OSTF1: variants seen among roughly 807,000 people sequenced by gnomAD.
The protein encoded by OSTF1 is osteoclast-stimulating factor 1.
Under a neutral mutation model 37.2 loss-of-function variants are expected in OSTF1, and 27 were observed. The observed-to-expected ratio is 0.73, with a 90% CI of 0.54 to 1.00. The LOEUF is 1.00. Ranked by LOEUF, OSTF1 falls within the 50% of genes least tolerant of loss-of-function variation. The pLI is 0.00. For synonymous variants in OSTF1, 82 were observed against 89.2 expected (o/e 0.92, Z 0.46); for missense variants, 232 against 253.8 (o/e 0.91, Z 0.58).
rs370500578 is a variant in OSTF1, at chr9:75,095,877, T to C, written c.34+7151T>C. On this transcript the variant is annotated intron_variant, in intron 1 of 9. Transcript: ENST00000346234. The stretch of plus-strand genomic sequence containing the variant: ...GCAAATCAATTAAACAAGTTATTGG[T>C]GTGACTGCTGTGGCCCCCCTTTTTT... Among the ~76,000 whole-genome samples the C allele has an allele frequency of 1.7e-4, 26 of 151,668 alleles. 2 individuals are homozygous for C. Among genetic ancestry groups the C allele is most frequent in the Admixed American group, 1.5e-3 (23 of 15,218 alleles).
chr9:75,130,993 G>A (rs752017722), intron 4 of OSTF1, among the ~76,000 whole-genome samples: 4 of 152,122 alleles, frequency 2.6e-5, no homozygotes, highest in South Asian at 2.1e-4. Flanking sequence ...GGAGTAACCC[G>A]GCCTTGTTCA....
At chr9:75,146,588 T>C (rs1826028384) in intron 9 of OSTF1, 95 bp from the exon 10 acceptor site, 2 of 831,630 alleles carry the variant, frequency 2.4e-6, no homozygotes, top group South Asian at 3.0e-5. Context: ...AGATGGAAGA[T>C]TCTATTCTAA....
chr9:75,140,870 T>G lies in OSTF1; in HGVS notation c.524T>G (p.Leu175Arg). The change falls in exon 9 of 10, where the codon CTG becomes CGG. Residue 175 changes from leucine to arginine, a missense_variant. Leu to Arg is a moderately radical substitution (Grantham distance 102). Coordinates refer to ENST00000346234, the MANE Select transcript of OSTF1 (RefSeq NM_012383.5). ...RTDLRNIEKK[L>R]AFDMATNAAC... ...GACTTAAGAAACATTGAGAAGAAGC[T>G]GGCCTTCGACATGGCTACCAATGCT... 6.2e-7 allele frequency: 1 copy of G among 1,613,818 alleles called. No individual in the cohort carries two copies. The highest frequency in any genetic ancestry group is 8.5e-7 in the Non-Finnish European group (1 of 1,179,760).
At chr9:75,132,519 C>T (rs1251721103) in intron 5 of OSTF1, among the ~76,000 whole-genome samples, 2 of 152,150 alleles carry the variant, frequency 1.3e-5, no homozygotes, top group Admixed American at 1.3e-4. Flanking sequence ...TGCCACACAT[C>T]CTACAGCACA....
At chr9:75,104,815 A>T (rs1294421492) in intron 1 of OSTF1, among the ~76,000 whole-genome samples, 1 of 152,196 alleles carries the variant, frequency 6.6e-6, no homozygotes, top group Non-Finnish European at 1.5e-5. Flanking sequence ...AATTAAAAGA[A>T]CAGTATTCAG....
In OSTF1 at chr9:75,139,816, G is replaced by C. The variant is rs1368518428; in HGVS notation, c.488-1018G>C. Among the ~76,000 whole-genome samples the C allele has an allele frequency of 3.3e-5, 5 of 152,236 alleles. No individual in the cohort carries two copies. The South Asian group carries it at 1.0e-3, about 31-fold the overall frequency. ...AAATTCAGAGGATCATTAGAGACTA[G>C]TATGAAAAGCAATCTGACAGTAGCT... On this transcript the variant is annotated intron_variant, in intron 8 of 9. Transcript: ENST00000346234.
rs769709468 is a variant in OSTF1, at chr9:75,127,968, GTACACACACATACATGCAGACACTT to G, written c.132+350_132+374del. On this transcript the variant is annotated intron_variant, in intron 3 of 9. Coordinates refer to ENST00000346234, the MANE Select transcript of OSTF1 (RefSeq NM_012383.5). ...TCTAGGAAAGGGTGAGAGTGTATGTGTACACACACATACATGCAGACACTTGTTTTTCTCAATTTCAGATAAAAAG... is the reference window on the plus strand; with the variant it reads ...TCTAGGAAAGGGTGAGAGTGTATGTGGTTTTTCTCAATTTCAGATAAAAAG... Among the ~76,000 whole-genome samples, 243 of 152,044 alleles carry G rather than the reference GTACACACACATACATGCAGACACTT, an allele frequency of 1.6e-3. 2 individuals carry two copies. The highest frequency in any genetic ancestry group is 1.9e-3 in the Non-Finnish European group (127 of 67,912).
At chr9:75,088,795 T>C (rs1353354439) in intron 1 of OSTF1, 69 bp downstream of exon 1, 11 of 1,475,820 alleles carry the variant, frequency 7.5e-6, no homozygotes, top group Non-Finnish European at 1.0e-5. Context: ...CCTCTGCAGC[T>C]TGGCAGGGAG....
intron 1 of OSTF1, among the ~76,000 whole-genome samples, chr9:75,112,554 C>T (rs1825409918): frequency 6.6e-6 from 1 of 152,184 alleles, no homozygotes; most frequent in Non-Finnish European, 1.5e-5. Flanking sequence ...ATAGAATATT[C>T]ATTTGCATAA....
chr9:75,129,131 A>G (rs7859460), intron 3 of OSTF1, among the ~76,000 whole-genome samples: 17,225 of 152,192 alleles, frequency 0.11, 1,344 homozygotes, highest in African/African-American at 0.23. Flanking sequence ...CCCACTGGCC[A>G]AAGATAGGAC....
chr9:75,092,278 T>C (rs1475841497), intron 1 of OSTF1, among the ~76,000 whole-genome samples: 1 of 152,206 alleles, frequency 6.6e-6, no homozygotes, highest in East Asian at 1.9e-4. Flanking sequence ...ACCCTGGCCA[T>C]TTTTGTACCA....
At chr9:75,130,738 G>A in intron 4 of OSTF1, 97 bp downstream of exon 4, 1 of 782,878 alleles carries the variant, frequency 1.3e-6, no homozygotes, top group Non-Finnish European at 2.3e-6. Context: ...AGAAAGCAAT[G>A]GAGTCATTGT....
At chr9:75,117,429 G>T in intron 1 of OSTF1, 75 bp from the exon 2 acceptor site, 1 of 968,162 alleles carries the variant, frequency 1.0e-6, no homozygotes, top group Non-Finnish European at 1.6e-6. Flanking sequence ...AATTCTGAAG[G>T]ATATAATGGA....
intron 2 of OSTF1, among the ~76,000 whole-genome samples, chr9:75,120,698 T>C (rs1208502931): frequency 2.0e-5 from 3 of 152,180 alleles, no homozygotes; most frequent in African/African-American, 7.2e-5. Flanking sequence ...TAGATTGGCA[T>C]TCCTCAAAGG....
intron 9 of OSTF1, among the ~76,000 whole-genome samples, chr9:75,141,618 G>A (rs1825946091): frequency 6.6e-6 from 1 of 152,032 alleles, no homozygotes; most frequent in Non-Finnish European, 1.5e-5. Flanking sequence ...ATAGCTCCAT[G>A]ATTATATTTT....
At chr9:75,145,607 C>T (rs1343819389) in intron 9 of OSTF1, among the ~76,000 whole-genome samples, 3 of 152,114 alleles carry the variant, frequency 2.0e-5, no homozygotes, top group Non-Finnish European at 2.9e-5. Context: ...CGCAGAGGAA[C>T]AGTTAATGTA....
At position 75,088,537 on chromosome 9, in the gene OSTF1, C is replaced by A. The variant is rs905551068; in HGVS notation, c.-156C>A. ...GCACTCGGCGGAGCCGCTCTGCCTG[C>A]GTCCGCTCTTCCCGCAGCCAAGGGT... On this transcript the variant is annotated 5_prime_UTR_variant, in exon 1 of 10. Coordinates refer to ENST00000346234, the MANE Select transcript of OSTF1 (RefSeq NM_012383.5). 1 of 777,118 alleles carries A rather than the reference C, an allele frequency of 1.3e-6. No homozygotes were observed. Among genetic ancestry groups the A allele is most frequent in the Non-Finnish European group, 2.1e-6 (1 of 470,672 alleles). 48.1% of individuals were successfully genotyped at this position (777,118 alleles called of 1,614,324 possible).
Position 75,147,003 on chromosome 9 carries a change from AT to A in OSTF1, c.*273del, listed in dbSNP as rs5898396. ...TTTATCAAGCAAAAGGAATTTTAAG[AT>A]TTTTTTTTTTCTTTAAAAACAAATT... is the stretch of plus-strand genomic sequence containing the variant. On this transcript the variant is annotated 3_prime_UTR_variant, in exon 10 of 10. Transcript: ENST00000346234. The A allele has an allele frequency of 0.77, 116,838 of 152,282 alleles. 45,212 individuals carry two copies. The highest frequency in any genetic ancestry group is 0.89 in the African/African-American group (32,650 of 36,806). The allele number at this position is 152,282 out of a possible 1,614,324, so 9.4% of individuals were successfully genotyped here.
At chr9:75,122,688 C>G (rs1825598921) in intron 2 of OSTF1, among the ~76,000 whole-genome samples, 2 of 152,124 alleles carry the variant, frequency 1.3e-5, no homozygotes, top group Admixed American at 1.3e-4. Context: ...TGTACCTGCT[C>G]TATGGCCTTG....
Sources: gnomAD v4.1 joint callset for allele counts (sites outside exome capture counted in the v4.1 genomes callset) on GRCh38, gnomAD v4.1.1 for gene constraint, MANE v1.5 for transcripts, NCBI Gene and HGNC (gene_info 2026-07-23, HGNC 2026-07-21) for gene names.